ZFHX3: variants seen among roughly 807,000 people sequenced by gnomAD.
ZFHX3 encodes zinc finger homeobox 3.
Under a neutral mutation model 279.1 loss-of-function variants are expected in ZFHX3, and 42 were observed. The ratio of observed to expected loss-of-function variants is 0.15; its 90% confidence interval spans 0.12 to 0.19. The LOEUF is 0.19. Among genes scored for constraint, ZFHX3 ranks in the 10% least tolerant of loss-of-function variants. The pLI, the probability that ZFHX3 is intolerant of heterozygous loss-of-function variation, is 1.00. For synonymous variants in ZFHX3, 2,293 were observed against 1,957.8 expected, an observed-to-expected ratio of 1.17 and a Z score of -4.52; for missense variants, 4,981 against 4,754.0, an observed-to-expected ratio of 1.05 and a Z score of -1.40.
At chr16:73,406,461 C>G (rs1453978308) in intron 3 of ZFHX3, among the ~76,000 whole-genome samples, 1 of 152,214 alleles carries the variant, frequency 6.6e-6, no homozygotes, top group Non-Finnish European at 1.5e-5. Context: ...GCTTCTGCTT[C>G]TTTACTATTT....
At chr16:73,498,794 G>A (rs749113034) in intron 2 of ZFHX3, among the ~76,000 whole-genome samples, 5 of 152,186 alleles carry the variant, frequency 3.3e-5, no homozygotes, top group African/African-American at 7.2e-5. Context: ...CCCTGGGGAA[G>A]GGGGTTTAAC....
At chr16:73,440,080 A>C (rs1254497657) in intron 3 of ZFHX3, among the ~76,000 whole-genome samples, 1 of 152,238 alleles carries the variant, frequency 6.6e-6, no homozygotes, top group African/African-American at 2.4e-5. Context: ...TCATTGATGG[A>C]AACAGTACAC....
intron 3 of ZFHX3, among the ~76,000 whole-genome samples, chr16:72,926,168 G>T (rs1435236260): frequency 6.6e-6 from 1 of 152,186 alleles, no homozygotes; most frequent in East Asian, 1.9e-4. Flanking sequence ...TATGGGTCAT[G>T]ATTATTCTAA....
chr16:73,453,590 A>C (rs1300504957), intron 3 of ZFHX3, among the ~76,000 whole-genome samples: 3 of 152,224 alleles, frequency 2.0e-5, no homozygotes, highest in African/African-American at 7.2e-5. Flanking sequence ...CAAATGAAGG[A>C]ACCGTCTCAA....
At chr16:73,886,300 G>C (rs1358987841) in intron 1 of ZFHX3, among the ~76,000 whole-genome samples, 1 of 151,356 alleles carries the variant, frequency 6.6e-6, no homozygotes, top group African/African-American at 2.4e-5. Context: ...CAAATTTTAA[G>C]AGGGAAAAAA....
chr16:73,372,970 C>A (rs1336463032), intron 3 of ZFHX3, among the ~76,000 whole-genome samples: 1 of 152,146 alleles, frequency 6.6e-6, no homozygotes, highest in Non-Finnish European at 1.5e-5. Context: ...CCCCTAATGA[C>A]AAAACACATC....
At chr16:73,354,603 G>A (rs1046154832) in intron 3 of ZFHX3, among the ~76,000 whole-genome samples, 7 of 152,298 alleles carry the variant, frequency 4.6e-5, no homozygotes, top group Non-Finnish European at 8.8e-5. Flanking sequence ...CCAGTCCAGC[G>A]TCTGCCTGCG....
chr16:73,611,903 C>T (rs1275199126), intron 2 of ZFHX3, among the ~76,000 whole-genome samples: 5 of 152,074 alleles, frequency 3.3e-5, no homozygotes, highest in African/African-American at 4.8e-5. Context: ...CATTTACATA[C>T]ACACACACAA....
At chr16:73,523,999 T>C (rs1399665026) in intron 2 of ZFHX3, among the ~76,000 whole-genome samples, 3 of 152,204 alleles carry the variant, frequency 2.0e-5, no homozygotes. Context: ...AGCCTTATTA[T>C]TAGAAGTATA....
chr16:73,327,805 T>C (rs2015722826), intron 3 of ZFHX3, among the ~76,000 whole-genome samples: 1 of 152,188 alleles, frequency 6.6e-6, no homozygotes. Flanking sequence ...TAACTGAATT[T>C]TGTGCACCGT....
chr16:72,873,771 A>G lies in ZFHX3; in HGVS notation c.3448+15960T>C, dbSNP rs560611929. Among the ~76,000 whole-genome samples the G allele has an allele frequency of 7.4e-4, 113 of 152,322 alleles. 2 individuals carry two copies. The highest frequency in any genetic ancestry group is 3.9e-3 in the Admixed American group (60 of 15,298). Reference sequence around the variant, plus strand: ...TATTTTAAAGGAAACTGTGACAATTATATGTGTTTTTGGGTCTTGCTACCC... The same window carrying G: ...TATTTTAAAGGAAACTGTGACAATTGTATGTGTTTTTGGGTCTTGCTACCC... On this transcript the variant is annotated intron_variant, in intron 4 of 9. Coordinates refer to ENST00000268489, the MANE Select transcript of ZFHX3 (RefSeq NM_006885.4).
At chr16:73,206,874 C>T (rs927833985) in intron 5 of ZFHX3, among the ~76,000 whole-genome samples, 10 of 151,774 alleles carry the variant, frequency 6.6e-5, no homozygotes, top group South Asian at 2.1e-4. Context: ...TAAAATTATC[C>T]GGGTGTGATG....
At chr16:72,949,758 A>AAG (rs1376278251) in intron 3 of ZFHX3, among the ~76,000 whole-genome samples, 3 of 138,078 alleles carry the variant, frequency 2.2e-5, no homozygotes, top group African/African-American at 8.2e-5. Flanking sequence ...CAGAGCGGGG[A>AAG]AGAAAAAAAA....
intron 2 of ZFHX3, among the ~76,000 whole-genome samples, chr16:73,461,394 G>A (rs2018467879): frequency 6.6e-6 from 1 of 152,104 alleles, no homozygotes; most frequent in African/African-American, 2.4e-5. Context: ...TAGAGTAAAA[G>A]TTTTTAAATT....
chr16:73,823,915 T>G lies in ZFHX3; in HGVS notation c.-1608+67736A>C, dbSNP rs529476539. On this transcript the variant is annotated intron_variant, in intron 1 of 17. Coordinates refer to the ZFHX3 transcript ENST00000641206. ...GGGAAAAGGTGCATGATAAACATTT[T>G]TAATGACATCTCAGAAATCACACTA... Among the ~76,000 whole-genome samples, 194 of 152,326 alleles carry G rather than the reference T, an allele frequency of 1.3e-3. 1 individual carries two copies. Among genetic ancestry groups the G allele is most frequent in the Non-Finnish European group, 4.1e-4 (28 of 68,040 alleles).
intron 4 of ZFHX3, among the ~76,000 whole-genome samples, chr16:73,265,648 C>T (rs1040846865): frequency 6.6e-5 from 10 of 152,154 alleles, no homozygotes; most frequent in African/African-American, 1.9e-4. Flanking sequence ...TCTGTGTCAT[C>T]GCCTGGAAAT....
chr16:73,473,962 T>C (rs1443852107), intron 2 of ZFHX3, among the ~76,000 whole-genome samples: 2 of 152,058 alleles, frequency 1.3e-5, no homozygotes, highest in Admixed American at 6.5e-5. Context: ...TTTGCTTGAA[T>C]TGGATTTGTT....
At chr16:73,579,906 G>A (rs1485813270) in intron 2 of ZFHX3, among the ~76,000 whole-genome samples, 3 of 140,332 alleles carry the variant, frequency 2.1e-5, no homozygotes, top group Admixed American at 7.1e-5. Context: ...TTAATATAAT[G>A]TATTATAAAG....
At chr16:73,213,969 G>T (rs1257441105) in intron 5 of ZFHX3, among the ~76,000 whole-genome samples, 1 of 152,096 alleles carries the variant, frequency 6.6e-6, no homozygotes, top group Non-Finnish European at 1.5e-5. Context: ...TATTTACCAA[G>T]ATTTCACAAC....
Sources: allele counts gnomAD v4.1 joint callset (sites outside exome capture counted in the v4.1 genomes callset), GRCh38; gene constraint gnomAD v4.1.1; transcripts MANE v1.5; gene names NCBI Gene and HGNC (gene_info 2026-07-23, HGNC 2026-07-21).